Variants in ANKRD50 observed in about 807,000 individuals in gnomAD.
ANKRD50 encodes the protein ankyrin repeat domain-containing protein 50.
ANKRD50 carries 40 observed loss-of-function variants against 112.0 expected under a neutral mutation model. The observed-to-expected ratio is 0.36, with a 90% CI of 0.28 to 0.46. The LOEUF is 0.46. Among genes scored for constraint, ANKRD50 ranks in the 20% least tolerant of loss-of-function variants. ANKRD50 has a pLI of 1.00. For missense variants in ANKRD50, 1,487 were observed against 1,701.7 expected, an observed-to-expected ratio of 0.87 and a Z score of 2.22; for synonymous variants, 613 against 619.1, an observed-to-expected ratio of 0.99 and a Z score of 0.15.
rs768394815 is a variant in ANKRD50 at position 124,670,419 on chromosome 4, A to G, written c.2858T>C (p.Leu953Ser). The G allele has an allele frequency of 6.2e-7, 1 of 1,613,880 alleles. No homozygotes were observed. Among genetic ancestry groups the G allele is most frequent in the Non-Finnish European group, 8.5e-7 (1 of 1,179,892 alleles). ...DADGRPTLYI[L>S]ALENQLTMAE... is the part of the protein sequence containing the mutation. ...CATTGTAAGCTGATTTTCTAAGGCC[A>G]AGATATAAAGTGTAGGCCGACCATC... The change falls in exon 4 of 5, where the codon TTG (leucine) becomes TCG (serine). Residue 953 changes from leucine to serine, a missense_variant. By Grantham distance (145) the Leu-to-Ser change is moderately radical. Around this residue, in one of 2 missense-constraint regions of ANKRD50, gnomAD observed 1,046 missense variants for 1,269.5 expected, o/e 0.82. Transcript: ENST00000504087.
chr4:124,711,660 C>G (rs138984918), intron 1 of ANKRD50, among the ~76,000 whole-genome samples: 1 of 151,994 alleles, frequency 6.6e-6, no homozygotes, highest in Non-Finnish European at 1.5e-5. Context: ...ACAGTCCAGT[C>G]AGTCAAGGAC....
rs535068325 is a variant in ANKRD50, at chr4:124,690,242, C to T, written c.513-11337G>A. Among the ~76,000 whole-genome samples, 7 of 152,350 alleles carry T rather than the reference C, an allele frequency of 4.6e-5. No homozygotes were observed. The South Asian group carries it at 6.2e-4, about 14-fold the overall frequency. On this transcript the variant is annotated intron_variant, in intron 2 of 4. Transcript: ENST00000504087. Reference sequence around the variant, plus strand: ...TCACTCAGGAGTAACAATGAATACTCAACATCTTTCTTTGACTTCTGCAAG... The same window carrying T: ...TCACTCAGGAGTAACAATGAATACTTAACATCTTTCTTTGACTTCTGCAAG...
chr4:124,709,972 C>A lies in ANKRD50; in HGVS notation c.512+28G>T, dbSNP rs1017201275. On this transcript the variant is annotated intron_variant, in intron 2 of 4. Coordinates refer to ENST00000504087, the MANE Select transcript of ANKRD50 (RefSeq NM_020337.3). ...ATTAATTTAATTTCAGCATAGAAAT[C>A]TGAACACCATGACATTTTTATTGTT... is the stretch of plus-strand genomic sequence containing the variant. 4 of 1,572,014 alleles carry A rather than the reference C, an allele frequency of 2.5e-6. No individual in the cohort carries two copies. In the African/African-American group the frequency reaches 5.5e-5, roughly 22 times the overall value.
In ANKRD50 at chr4:124,670,809, G is replaced by A; in HGVS notation, c.2468C>T (p.Ala823Val). 1 of 1,613,828 alleles carries A rather than the reference G, an allele frequency of 6.2e-7. No homozygotes were observed. Reference sequence around the variant, plus strand: ...ACGTACCACCTCAACATTTCCTTGTGCTGAAGCTATACTGAGGACTGTCCT... The same window carrying A: ...ACGTACCACCTCAACATTTCCTTGTACTGAAGCTATACTGAGGACTGTCCT... The part of the protein sequence containing the change: ...EGRTVLSIAS[A>V]QGNVEVVRTL... The change falls in exon 4 of 5, where the codon GCA (alanine) becomes GTA (valine). Residue 823 changes from alanine (A) to valine (V), a missense_variant. Ala to Val is a moderately conservative substitution (Grantham distance 64, BLOSUM62 0). Transcript: ENST00000504087.
chr4:124,674,786 C>A (rs1317416433), intron 3 of ANKRD50, among the ~76,000 whole-genome samples: 1 of 151,676 alleles, frequency 6.6e-6, no homozygotes, highest in Non-Finnish European at 1.5e-5. Context: ...AATCTCCCCC[C>A]AATCTAAATA....
intron 2 of ANKRD50, among the ~76,000 whole-genome samples, chr4:124,688,750 C>T (rs1484238383): frequency 6.6e-6 from 1 of 152,108 alleles, no homozygotes; most frequent in African/African-American, 2.4e-5. Context: ...GTCAGCGAAG[C>T]CCATCTAAAC....
At chr4:124,694,704 A>T (rs2110521825) in intron 2 of ANKRD50, among the ~76,000 whole-genome samples, 1 of 152,346 alleles carries the variant, frequency 6.6e-6, no homozygotes, top group African/African-American at 2.4e-5. Flanking sequence ...ACCTAAAAAG[A>T]TCATGGGTCA....
At chr4:124,685,875 A>AT (rs1426047620) in intron 2 of ANKRD50, among the ~76,000 whole-genome samples, 1 of 152,060 alleles carries the variant, frequency 6.6e-6, no homozygotes, top group African/African-American at 2.4e-5. Context: ...GATTTACTTA[A>AT]TTTTTTTAAA....
rs760622176 is a variant in ANKRD50, at chr4:124,669,713, T to C, written c.3564A>G (p.Lys1188=). The change falls in exon 4 of 5, where the codon AAA becomes AAG. Residue 1188 remains lysine, a synonymous_variant. Coordinates refer to ENST00000504087, the MANE Select transcript of ANKRD50 (RefSeq NM_020337.3). ...ATGAAGTAGTTCTCAAAGATGAATT[T>C]TTTGAGCTTTTCAGGGAATTATTTG... The part of the protein sequence containing the change: ...SLSNNSLKSS[K]NSSLRTTSST... The C allele has an allele frequency of 6.2e-7, 1 of 1,613,264 alleles. No individual in the cohort carries two copies. The highest frequency in any genetic ancestry group is 2.2e-5 in the East Asian group (1 of 44,840).
In ANKRD50 at chr4:124,670,305, T is replaced by C. The variant is rs772382179; in HGVS notation, c.2972A>G (p.His991Arg). The C allele has an allele frequency of 1.9e-6, 3 of 1,613,984 alleles. No homozygotes were observed. The highest frequency in any genetic ancestry group is 1.1e-5 in the South Asian group (1 of 91,088). Residue 991 changes from histidine to arginine, a missense_variant, in exon 4 of 5, where the codon CAT (histidine) becomes CGT (arginine). His to Arg is a conservative substitution (Grantham distance 29). Around this residue, in one of 2 missense-constraint regions of ANKRD50, gnomAD observed 1,046 missense variants for 1,269.5 expected, o/e 0.82. Coordinates refer to ENST00000504087, the MANE Select transcript of ANKRD50 (RefSeq NM_020337.3). Reference protein sequence around the residue: ...TALHVSCWQGHMEMVQVLIAY... With the variant: ...TALHVSCWQGRMEMVQVLIAY... Reference sequence around the variant, plus strand: ...TATCAGGACCTGCACCATTTCCATATGGCCTTGCCAACAAGACACATGAAG... The same window carrying C: ...TATCAGGACCTGCACCATTTCCATACGGCCTTGCCAACAAGACACATGAAG...
chr4:124,672,096 T>C lies in ANKRD50; in HGVS notation c.1181A>G (p.Lys394Arg), dbSNP rs1161741237. ...DFQRKLDILS[K>R]LLVDGLGNTK... ...ATTTCCTAGTCCATCAACAAGAAGT[T>C]TGGAGAGGATATCTAACTTGCGTTG... Residue 394 changes from lysine (K) to arginine (R), a missense_variant, in exon 4 of 5, where the codon AAA (lysine) becomes AGA (arginine). Coordinates refer to ENST00000504087, the MANE Select transcript of ANKRD50 (RefSeq NM_020337.3). 1.9e-6 allele frequency: 3 copies of C among 1,613,902 alleles called. No individual in the cohort carries two copies. Among genetic ancestry groups the C allele is most frequent in the Non-Finnish European group, 1.7e-6 (2 of 1,179,854 alleles).
At chr4:124,693,999 A>G (rs1725196498) in intron 2 of ANKRD50, among the ~76,000 whole-genome samples, 1 of 152,190 alleles carries the variant, frequency 6.6e-6, no homozygotes, top group Non-Finnish European at 1.5e-5. Flanking sequence ...AAAATAATGC[A>G]CTAACAATTC....
intron 2 of ANKRD50, among the ~76,000 whole-genome samples, chr4:124,695,904 T>C (rs1725241701): frequency 6.6e-6 from 1 of 151,988 alleles, no homozygotes; most frequent in African/African-American, 2.4e-5. Flanking sequence ...GTTTTCCTGT[T>C]GTTGTTACTT....
chr4:124,669,655 T>C lies in ANKRD50; in HGVS notation c.3622A>G (p.Ser1208Gly). 6.2e-7 allele frequency: 1 copy of C among 1,613,302 alleles called. No individual in the cohort carries two copies. The highest frequency in any genetic ancestry group is 8.5e-7 in the Non-Finnish European group (1 of 1,179,752). Residue 1208 changes from serine to glycine, a missense_variant, in exon 4 of 5, where the codon AGC (serine) becomes GGC (glycine). By Grantham distance (56) the Ser-to-Gly change is moderately conservative (BLOSUM62 0). Coordinates refer to ENST00000504087, the MANE Select transcript of ANKRD50 (RefSeq NM_020337.3). The stretch of plus-strand genomic sequence containing the variant: ...TCTGTAAATGACAAGTTATGAAAGC[T>C]ATCAATTGGCACTGTTTGAGCCGTT... The part of the protein sequence containing the change: ...TATAQTVPID[S>G]FHNLSFTEQI...
chr4:124,695,576 C>T (rs981810732), intron 2 of ANKRD50, among the ~76,000 whole-genome samples: 1 of 152,138 alleles, frequency 6.6e-6, no homozygotes, highest in Admixed American at 6.5e-5. Context: ...CATGAAATCT[C>T]TCGTAGTATC....
At position 124,710,144 on chromosome 4, in the gene ANKRD50, A is replaced by G. The variant is rs903158793; in HGVS notation, c.368T>C (p.Val123Ala). 2 of 1,614,076 alleles carry G rather than the reference A, an allele frequency of 1.2e-6. No homozygotes were observed. Among genetic ancestry groups the G allele is most frequent in the Non-Finnish European group, 1.7e-6 (2 of 1,180,042 alleles). The change falls in exon 2 of 5, where the codon GTT becomes GCT. Residue 123 changes from valine (V) to alanine (A), a missense_variant. Physicochemically the swap from Val to Ala is moderately conservative, Grantham distance 64. Around this residue, in one of 2 missense-constraint regions of ANKRD50, gnomAD observed 1,046 missense variants for 1,269.5 expected, o/e 0.82. Coordinates refer to ENST00000504087, the MANE Select transcript of ANKRD50 (RefSeq NM_020337.3). The part of the protein sequence containing the change: ...CKAQDSDTLC[V>A]GGFIRGLVAQ... Reference sequence around the variant, plus strand: ...TACTAGACCTCTAATAAACCCTCCAACACACAAAGTATCAGAGTCCTGGGC... The same window carrying G: ...TACTAGACCTCTAATAAACCCTCCAGCACACAAAGTATCAGAGTCCTGGGC...
chr4:124,701,664 C>T (rs960047691), intron 2 of ANKRD50, among the ~76,000 whole-genome samples: 8 of 151,906 alleles, frequency 5.3e-5, no homozygotes, highest in Non-Finnish European at 1.0e-4. Context: ...AGACAGGCAA[C>T]CAACTGGAAC....
chr4:124,677,262 T>C (rs1730794223), intron 3 of ANKRD50, among the ~76,000 whole-genome samples: 1 of 151,738 alleles, frequency 6.6e-6, no homozygotes, highest in Admixed American at 6.6e-5. Context: ...TACTCTATAA[T>C]CCAGCAATTA....
intron 2 of ANKRD50, among the ~76,000 whole-genome samples, chr4:124,683,399 A>G (rs534877242): frequency 6.6e-5 from 10 of 151,966 alleles, no homozygotes; most frequent in African/African-American, 1.9e-4. Context: ...AATCAGGGTA[A>G]TCGTGGTACC....
Sources: gnomAD v4.1 joint callset for allele counts (sites outside exome capture counted in the v4.1 genomes callset) on GRCh38, gnomAD v4.1.1 for gene constraint, gnomAD v4.1.1 regional missense constraint, MANE v1.5 for transcripts, NCBI Gene and HGNC (gene_info 2026-07-23, HGNC 2026-07-21) for gene names.